SPON1: variants seen among roughly 807,000 people sequenced by gnomAD.
The protein encoded by SPON1 is spondin-1.
SPON1 carries 52 observed loss-of-function variants against 111.7 expected under a neutral mutation model. The observed-to-expected ratio is 0.47, with a 90% CI of 0.37 to 0.59. The LOEUF (loss-of-function observed/expected upper bound fraction) is 0.59, where lower values mean the gene tolerates loss of function less well. SPON1 is among the 20% of genes least tolerant of loss of function. The probability of loss-of-function intolerance (pLI) is 0.00; values close to 1 mark genes in which losing one functional copy is unlikely to be tolerated. For missense variants in SPON1, 957 were observed against 1,068.5 expected, an observed-to-expected ratio of 0.90 and a Z score of 1.46; for synonymous variants, 410 against 395.8, an observed-to-expected ratio of 1.04 and a Z score of -0.43.
Position 14,262,989 on chromosome 11 carries a change from G to A in SPON1, c.2260+14G>A. ...AGCAGTTCCCAGGTATGGCTCCCAA[G>A]TGTCAGCCTGGGTGGTCTCCAGGAC... On this transcript the variant is annotated intron_variant, in intron 15 of 15. Transcript: ENST00000576479. The A allele has an allele frequency of 1.2e-6, 2 of 1,609,124 alleles. No individual in the cohort carries two copies. The highest frequency in any genetic ancestry group is 1.7e-6 in the Non-Finnish European group (2 of 1,178,220).
Position 14,186,817 on chromosome 11 carries a change from G to A in SPON1, c.825+51249G>A, listed in dbSNP as rs533077602. On this transcript the variant is annotated intron_variant, in intron 6 of 15. Coordinates refer to ENST00000576479, the MANE Select transcript of SPON1 (RefSeq NM_006108.4). ...AGCTAACACTAAGCCAGATCTTCGT[G>A]TGAGATCTTGAAATCTTCTATCTCC... is the stretch of plus-strand genomic sequence containing the variant. Among the ~76,000 whole-genome samples the A allele has an allele frequency of 3.5e-4, 53 of 152,330 alleles. 1 individual carries two copies. Among genetic ancestry groups the A allele is most frequent in the Admixed American group, 3.1e-3 (48 of 15,306 alleles).
chr11:14,010,390 A>G (rs1307775928), intron 2 of SPON1, among the ~76,000 whole-genome samples: 2 of 152,136 alleles, frequency 1.3e-5, no homozygotes, highest in Non-Finnish European at 2.9e-5. Flanking sequence ...GAAGACCCAC[A>G]GATTAAAAAA....
chr11:14,253,758 C>T (rs564666180), intron 7 of SPON1, among the ~76,000 whole-genome samples: 1 of 152,356 alleles, frequency 6.6e-6, no homozygotes, highest in Admixed American at 6.5e-5. Context: ...TCATTAACCA[C>T]TTATTCACTT....
intron 3 of SPON1, among the ~76,000 whole-genome samples, chr11:14,064,426 G>A (rs1204875924): frequency 6.6e-6 from 1 of 152,190 alleles, no homozygotes; most frequent in Non-Finnish European, 1.5e-5. Context: ...GGGATCTGAC[G>A]AGGCAGAGAG....
chr11:14,127,560 G>A (rs1847474937), intron 5 of SPON1, among the ~76,000 whole-genome samples: 1 of 152,174 alleles, frequency 6.6e-6, no homozygotes, highest in Non-Finnish European at 1.5e-5. Flanking sequence ...GAGAAGAGCT[G>A]GTCTTTGGCT....
intron 3 of SPON1, among the ~76,000 whole-genome samples, chr11:14,062,155 A>G (rs1554919936): frequency 1.3e-5 from 2 of 152,216 alleles, no homozygotes; most frequent in East Asian, 3.9e-4. Flanking sequence ...AATTTGACTG[A>G]CACTTATTTT....
intron 2 of SPON1, among the ~76,000 whole-genome samples, chr11:14,029,073 G>A (rs914411956): frequency 1.3e-4 from 19 of 151,996 alleles, no homozygotes; most frequent in African/African-American, 3.9e-4. Context: ...CCTGGAAGAT[G>A]AGGCTTTCTA....
At chr11:14,039,818 A>T (rs954706280) in intron 2 of SPON1, among the ~76,000 whole-genome samples, 3 of 152,196 alleles carry the variant, frequency 2.0e-5, no homozygotes, top group Non-Finnish European at 4.4e-5. Flanking sequence ...ATATTTGTAG[A>T]TGTTGAGGTA....
At chr11:14,007,069 T>C (rs1373369589) in intron 2 of SPON1, among the ~76,000 whole-genome samples, 1 of 152,090 alleles carries the variant, frequency 6.6e-6, no homozygotes, top group African/African-American at 2.4e-5. Context: ...AGTTTTTCCA[T>C]GGGCTGCAGT....
chr11:14,009,106 G>A (rs1848385868), intron 2 of SPON1, among the ~76,000 whole-genome samples: 1 of 152,186 alleles, frequency 6.6e-6, no homozygotes, highest in African/African-American at 2.4e-5. Flanking sequence ...CATGAGGTCA[G>A]GGACTTAGTT....
In SPON1 at chr11:13,963,138, C is replaced by T. The variant is rs1235545371; in HGVS notation, c.234C>T (p.Tyr78=). The T allele has an allele frequency of 1.3e-6, 2 of 1,503,242 alleles. No homozygotes were observed. The highest frequency in any genetic ancestry group is 1.8e-6 in the Non-Finnish European group (2 of 1,122,508). 93.1% of individuals were successfully genotyped at this position (1,503,242 alleles called of 1,614,324 possible). A position where few individuals can be genotyped will look rare whatever the true frequency, so the allele number is the denominator to read the frequency against. Residue 78 remains tyrosine, a synonymous_variant, in exon 1 of 16, where the codon TAC becomes TAT. Transcript: ENST00000576479. ...DPDFYKPGTS[Y]RVTLSAAPPS... is the part of the protein sequence containing the mutation. ...ACTTCTACAAGCCGGGAACCAGCTA[C>T]CGCGGTAAGTGGCCGCCCGGCGTGG...
chr11:14,067,048 G>A lies in SPON1; in HGVS notation c.480-8297G>A, dbSNP rs568833848. Among the ~76,000 whole-genome samples the A allele has an allele frequency of 5.9e-5, 9 of 152,238 alleles. No individual in the cohort carries two copies. The East Asian group carries it at 1.4e-3, about 23-fold the overall frequency. ...AAAAAGCAGCCAAGCATAGTGGCAG[G>A]CACCAGTTGTCCCAGCTACTCAGGA... On this transcript the variant is annotated intron_variant, in intron 3 of 15. Coordinates refer to ENST00000576479, the MANE Select transcript of SPON1 (RefSeq NM_006108.4).
intron 5 of SPON1, among the ~76,000 whole-genome samples, chr11:14,121,900 T>G (rs1847392569): frequency 6.6e-6 from 1 of 152,116 alleles, no homozygotes; most frequent in African/African-American, 2.4e-5. Context: ...GTTTTTTTTT[T>G]TAAGCTTTAA....
At chr11:14,045,017 C>G (rs1305726279) in intron 3 of SPON1, among the ~76,000 whole-genome samples, 2 of 152,142 alleles carry the variant, frequency 1.3e-5, no homozygotes, top group Non-Finnish European at 2.9e-5. Context: ...GCCTATTGAG[C>G]AAATTTCCAA....
At chr11:14,014,738 A>G (rs1554914132) in intron 2 of SPON1, among the ~76,000 whole-genome samples, 1 of 152,234 alleles carries the variant, frequency 6.6e-6, no homozygotes, top group East Asian at 1.9e-4. Flanking sequence ...CACAGGAAGC[A>G]TTTCCAAGGG....
At chr11:14,024,511 C>T (rs552724954) in intron 2 of SPON1, among the ~76,000 whole-genome samples, 6 of 152,246 alleles carry the variant, frequency 3.9e-5, no homozygotes, top group Non-Finnish European at 7.4e-5. Context: ...CTGATGGCCC[C>T]TGGCTGAACT....
At chr11:14,143,561 C>CAA (rs11343993) in intron 6 of SPON1, among the ~76,000 whole-genome samples, 2 of 137,892 alleles carry the variant, frequency 1.5e-5, no homozygotes, top group Non-Finnish European at 1.6e-5. Flanking sequence ...ACCCTGTTTC[C>CAA]AAAAAAAAAA....
intron 6 of SPON1, among the ~76,000 whole-genome samples, chr11:14,163,329 C>T (rs990136158): frequency 1.7e-4 from 26 of 152,144 alleles, no homozygotes; most frequent in African/African-American, 6.3e-4. Context: ...AAATTCAAGT[C>T]CAGGTCATGA....
At chr11:13,994,437 T>TCC (rs201163500) in intron 2 of SPON1, among the ~76,000 whole-genome samples, 4 of 150,338 alleles carry the variant, frequency 2.7e-5, no homozygotes, top group Non-Finnish European at 4.5e-5. Context: ...TGATCCCCCA[T>TCC]CCCCACACAC....
Sources: gnomAD v4.1 joint callset for allele counts (sites outside exome capture counted in the v4.1 genomes callset) on GRCh38, gnomAD v4.1.1 for gene constraint, MANE v1.5 for transcripts, NCBI Gene and HGNC (gene_info 2026-07-23, HGNC 2026-07-21) for gene names.